DSCAM: variants seen among roughly 807,000 people sequenced by gnomAD.
DSCAM encodes cell adhesion molecule DSCAM.
In DSCAM, 47 loss-of-function variants were observed where a neutral mutation model predicts 217.7. The ratio of observed to expected loss-of-function variants is 0.22; its 90% CI spans 0.17 to 0.28. DSCAM has a LOEUF of 0.28. DSCAM is among the 10% of genes least tolerant of loss of function. The pLI is 1.00. For synonymous variants in DSCAM, 1,056 were observed against 1,015.3 expected, an observed-to-expected ratio of 1.04 and a Z score of -0.76; for missense variants, 2,080 against 2,618.3, an observed-to-expected ratio of 0.79 and a Z score of 4.49.
chr21:40,612,953 A>C (rs1329674175), intron 3 of DSCAM, among the ~76,000 whole-genome samples: 3 of 152,090 alleles, frequency 2.0e-5, no homozygotes, highest in African/African-American at 7.2e-5. Flanking sequence ...AGGAATCTTT[A>C]ATCCTTGTCC....
rs755921488 is a variant in DSCAM at position 40,013,013 on chromosome 21, G to A, written c.*21C>T. 2.2e-6 allele frequency: 3 copies of A among 1,380,510 alleles called. No individual in the cohort carries two copies. Among genetic ancestry groups the A allele is most frequent in the South Asian group, 2.1e-5 (1 of 48,486 alleles). 85.5% of individuals were successfully genotyped at this position (1,380,510 alleles called of 1,614,324 possible). On this transcript the variant is annotated 3_prime_UTR_variant, in exon 33 of 33. Coordinates refer to ENST00000400454, the MANE Select transcript of DSCAM (RefSeq NM_001389.5). ...AATTGTTTGAATTGTATTTACAACC[G>A]CTGTCCAGTCATGCTGTCTGTTATA...
At chr21:40,478,033 C>G (rs1249096841) in intron 3 of DSCAM, among the ~76,000 whole-genome samples, 2 of 152,120 alleles carry the variant, frequency 1.3e-5, no homozygotes, top group African/African-American at 4.8e-5. Flanking sequence ...CAAAGCCACC[C>G]AGTATCTTGA....
At chr21:40,022,667 G>A (rs1257138916) in intron 32 of DSCAM, among the ~76,000 whole-genome samples, 1 of 152,144 alleles carries the variant, frequency 6.6e-6, no homozygotes, top group Non-Finnish European at 1.5e-5. Context: ...CAGAGTGCAG[G>A]GCTTGGTGTT....
intron 29 of DSCAM, 150 bp from the exon 30 acceptor site, chr21:40,052,257 A>G: frequency 1.1e-6 from 1 of 911,030 alleles, no homozygotes; most frequent in Non-Finnish European, 1.6e-6. Context: ...TTGAAAATTC[A>G]AGCACTGAAT....
At chr21:40,654,621 C>T (rs1762707736) in intron 3 of DSCAM, among the ~76,000 whole-genome samples, 1 of 152,142 alleles carries the variant, frequency 6.6e-6, no homozygotes, top group Non-Finnish European at 1.5e-5. Flanking sequence ...TTTGTGTTTT[C>T]CAGCTCTTAG....
intron 11 of DSCAM, among the ~76,000 whole-genome samples, chr21:40,273,911 C>G (rs973985954): frequency 2.0e-5 from 3 of 152,138 alleles, no homozygotes; most frequent in Admixed American, 6.6e-5. Flanking sequence ...TTTTCAAAGG[C>G]CTCAGATTCT....
chr21:40,595,314 G>A (rs1279147266), intron 3 of DSCAM, among the ~76,000 whole-genome samples: 1 of 151,732 alleles, frequency 6.6e-6, no homozygotes, highest in African/African-American at 2.4e-5. Flanking sequence ...GGAGATCAAG[G>A]CTGCAGTGAG....
chr21:40,791,548 G>A (rs1363257658), intron 1 of DSCAM, among the ~76,000 whole-genome samples: 5 of 152,094 alleles, frequency 3.3e-5, no homozygotes, highest in Non-Finnish European at 7.4e-5. Context: ...CCAGCTACTC[G>A]GGAGGCTGAG....
At chr21:40,550,537 C>A (rs544210135) in intron 3 of DSCAM, among the ~76,000 whole-genome samples, 1 of 152,126 alleles carries the variant, frequency 6.6e-6, no homozygotes, top group Non-Finnish European at 1.5e-5. Context: ...AAAAAAATTG[C>A]TTTTTCCTCA....
At chr21:40,622,974 A>T (rs946782282) in intron 3 of DSCAM, among the ~76,000 whole-genome samples, 4 of 152,210 alleles carry the variant, frequency 2.6e-5, no homozygotes, top group African/African-American at 9.6e-5. Context: ...GTAAATTTCA[A>T]CTTATTACTA....
intron 1 of DSCAM, among the ~76,000 whole-genome samples, chr21:40,778,546 C>G (rs1474535431): frequency 6.6e-6 from 1 of 151,982 alleles, no homozygotes; most frequent in African/African-American, 2.4e-5. Context: ...TTTAAATGTA[C>G]ATGGTAAATT....
chr21:40,545,066 G>A (rs1260108660), intron 3 of DSCAM, among the ~76,000 whole-genome samples: 2 of 152,186 alleles, frequency 1.3e-5, no homozygotes, highest in East Asian at 1.9e-4. Context: ...AGGTCATGAG[G>A]ATGAAGCCCT....
intron 25 of DSCAM, among the ~76,000 whole-genome samples, chr21:40,079,596 C>T (rs2089422639): frequency 6.6e-6 from 1 of 152,160 alleles, no homozygotes; most frequent in African/African-American, 2.4e-5. Context: ...ATCTCCTCAC[C>T]TTCTTCCTAT....
At chr21:40,641,934 G>C (rs886415984) in intron 3 of DSCAM, among the ~76,000 whole-genome samples, 1 of 151,622 alleles carries the variant, frequency 6.6e-6, no homozygotes, top group Non-Finnish European at 1.5e-5. Flanking sequence ...TGTAATCCCA[G>C]CTACTCGGTA....
At chr21:40,394,079 G>C (rs1372008606) in intron 3 of DSCAM, among the ~76,000 whole-genome samples, 1 of 152,174 alleles carries the variant, frequency 6.6e-6, no homozygotes, top group Non-Finnish European at 1.5e-5. Context: ...ACATCAAACT[G>C]ATAAATTCAT....
intron 20 of DSCAM, among the ~76,000 whole-genome samples, chr21:40,102,125 G>T (rs112778390): frequency 5.3e-5 from 8 of 152,234 alleles, no homozygotes; most frequent in African/African-American, 1.7e-4. Context: ...ATAGAAGTCT[G>T]ACCAATTCCT....
chr21:40,324,103 C>CAAAAAAA (rs71330393), intron 8 of DSCAM, among the ~76,000 whole-genome samples: 39 of 27,938 alleles, frequency 1.4e-3, no homozygotes, highest in Non-Finnish European at 1.7e-3. Context: ...AACTCTGTCT[C>CAAAAAAA]AAAAAAAAAA....
Position 40,767,887 on chromosome 21 carries a change from T to C in DSCAM, c.44-59116A>G, listed in dbSNP as rs1306284203. Among the ~76,000 whole-genome samples, 3 of 149,400 alleles carry C rather than the reference T, an allele frequency of 2.0e-5. No individual in the cohort carries two copies. In the Admixed American group the frequency reaches 2.2e-4, roughly 11 times the overall value. ...GATACATGGCTCACCATTTTCTCTC[T>C]TTCTCTCTCTCCCTGTGTGTGTGTG... On this transcript the variant is annotated intron_variant, in intron 1 of 32. Coordinates refer to ENST00000400454, the MANE Select transcript of DSCAM (RefSeq NM_001389.5).
At chr21:40,393,747 A>G (rs1451702729) in intron 3 of DSCAM, among the ~76,000 whole-genome samples, 1 of 152,188 alleles carries the variant, frequency 6.6e-6, no homozygotes, top group Admixed American at 6.5e-5. Context: ...TTATTTAAAT[A>G]GCTTTCCATT....
Sources: allele counts gnomAD v4.1 joint callset (sites outside exome capture counted in the v4.1 genomes callset), GRCh38; gene constraint gnomAD v4.1.1; transcripts MANE v1.5; gene names NCBI Gene and HGNC (gene_info 2026-07-23, HGNC 2026-07-21).